DIS3L2: variants seen among roughly 807,000 people sequenced by gnomAD.
DIS3L2 encodes the protein DIS3-like exonuclease 2.
DIS3L2 carries 34 observed loss-of-function variants against 97.5 expected under a neutral mutation model. That is an observed-to-expected ratio of 0.35 (90% CI 0.27 to 0.46). The LOEUF is 0.46. DIS3L2 is among the 20% of genes least tolerant of loss of function. The pLI is 1.00. For synonymous variants in DIS3L2, 435 were observed against 445.2 expected (o/e 0.98, Z 0.29); for missense variants, 1,038 against 1,146.0 (o/e 0.91, Z 1.36).
chr2:232,198,241 GAA>G (rs1188788564), intron 9 of DIS3L2, among the ~76,000 whole-genome samples: 1 of 151,586 alleles, frequency 6.6e-6, no homozygotes. Flanking sequence ...AGGAAATAGA[GAA>G]AAAAAAGTGT....
At chr2:232,250,184 A>G (rs1274721337) in intron 12 of DIS3L2, among the ~76,000 whole-genome samples, 3 of 152,220 alleles carry the variant, frequency 2.0e-5, no homozygotes, top group East Asian at 1.9e-4. Flanking sequence ...GACAGAGACC[A>G]TGGAAGAACA....
At chr2:232,157,313 T>C (rs1690519553) in intron 8 of DIS3L2, among the ~76,000 whole-genome samples, 1 of 152,174 alleles carries the variant, frequency 6.6e-6, no homozygotes, top group South Asian at 2.1e-4. Context: ...TTGCATTCTT[T>C]CTTCCCAAAC....
chr2:231,962,150 G>A (rs11674743), intron 1 of DIS3L2, among the ~76,000 whole-genome samples: 1,715 of 152,318 alleles, frequency 0.011, 19 homozygotes, highest in Non-Finnish European at 0.016. Context: ...TGATCGAGAT[G>A]TTCAGGACTG....
chr2:232,091,167 A>G (rs892229702), intron 6 of DIS3L2, among the ~76,000 whole-genome samples: 2 of 152,230 alleles, frequency 1.3e-5, no homozygotes, highest in Admixed American at 1.3e-4. Flanking sequence ...CTTAGGGACA[A>G]CCAATTAAAA....
rs1694549964 is a variant in DIS3L2 at position 232,022,650 on chromosome 2, G to C, written c.211-1627G>C. On this transcript the variant is annotated intron_variant, in intron 3 of 20. Transcript: ENST00000325385. ...AAATTGTTAGACATTTAATTTCAAT[G>C]AATTGACTTTTGTTTGTTTGGAGTC... Among the ~76,000 whole-genome samples the C allele has an allele frequency of 2.0e-5, 3 of 152,274 alleles. No homozygotes were observed. In the South Asian group the frequency reaches 6.2e-4, roughly 32 times the overall value.
chr2:232,263,449 G>C lies in DIS3L2; in HGVS notation c.1659+9G>C. 6.2e-7 allele frequency: 1 copy of C among 1,613,926 alleles called. No homozygotes were observed. The highest frequency in any genetic ancestry group is 1.1e-5 in the South Asian group (1 of 91,056). ...CACTTCGTTTGGATCAGGTCAGTACGTGTTTTTTTAGTGTAGCCAACAGAT... is the reference window on the plus strand; with the variant it reads ...CACTTCGTTTGGATCAGGTCAGTACCTGTTTTTTTAGTGTAGCCAACAGAT... On this transcript the variant is annotated intron_variant, in intron 13 of 20. Coordinates refer to ENST00000325385, the MANE Select transcript of DIS3L2 (RefSeq NM_152383.5).
intron 7 of DIS3L2, 63 bp downstream of exon 7, chr2:232,130,782 A>C (rs1296703147): frequency 1.9e-6 from 3 of 1,592,516 alleles, no homozygotes; most frequent in East Asian, 2.3e-5. Flanking sequence ...CTTGTTGAAG[A>C]TCTCGTGTGA....
At chr2:232,288,261 G>A (rs1694498827) in intron 13 of DIS3L2, among the ~76,000 whole-genome samples, 1 of 152,226 alleles carries the variant, frequency 6.6e-6, no homozygotes, top group Non-Finnish European at 1.5e-5. Context: ...GCTCTTAGCT[G>A]CGTAAGACAG....
At chr2:232,166,065 G>C (rs1211622750) in intron 9 of DIS3L2, among the ~76,000 whole-genome samples, 2 of 126,678 alleles carry the variant, frequency 1.6e-5, no homozygotes, top group African/African-American at 5.4e-5. Context: ...GTGAGACCCT[G>C]TCTCTACAAT....
At chr2:231,971,630 G>A (rs1692915144) in intron 1 of DIS3L2, among the ~76,000 whole-genome samples, 1 of 152,050 alleles carries the variant, frequency 6.6e-6, no homozygotes, top group African/African-American at 2.4e-5. Flanking sequence ...TGTATTTTTA[G>A]TAGAGACGGG....
intron 1 of DIS3L2, among the ~76,000 whole-genome samples, chr2:231,970,979 C>G (rs1410512452): frequency 6.6e-6 from 1 of 152,066 alleles, no homozygotes; most frequent in Non-Finnish European, 1.5e-5. Flanking sequence ...CACACGTTAG[C>G]CTAGGCCTAC....
intron 6 of DIS3L2, among the ~76,000 whole-genome samples, chr2:232,102,466 A>G (rs1697231014): frequency 6.6e-6 from 1 of 152,176 alleles, no homozygotes; most frequent in African/African-American, 2.4e-5. Context: ...ATATAGGAGA[A>G]TGTCCTTATT....
At chr2:231,977,907 T>G (rs1011801097) in intron 1 of DIS3L2, among the ~76,000 whole-genome samples, 3 of 152,212 alleles carry the variant, frequency 2.0e-5, no homozygotes, top group African/African-American at 7.2e-5. Context: ...CTGAAGTGAT[T>G]GTCAGTGGTT....
chr2:231,970,974 G>A (rs983808617), intron 1 of DIS3L2, among the ~76,000 whole-genome samples: 6 of 151,846 alleles, frequency 4.0e-5, no homozygotes, highest in African/African-American at 7.3e-5. Flanking sequence ...AAACACACAC[G>A]TTAGCCTAGG....
chr2:232,336,795 G>A lies in DIS3L2; in HGVS notation c.*165G>A. 1 of 1,440,936 alleles carries A rather than the reference G, an allele frequency of 6.9e-7. No homozygotes were observed. The highest frequency in any genetic ancestry group is 1.5e-5 in the South Asian group (1 of 68,476). 89.3% of individuals were successfully genotyped at this position (1,440,936 alleles called of 1,614,324 possible). A position where few individuals can be genotyped will look rare whatever the true frequency, so the allele number is the denominator to read the frequency against. On this transcript the variant is annotated 3_prime_UTR_variant, in exon 21 of 21. Transcript: ENST00000325385. ...AGCTCAACTTTTAAACAAACTGCAGGGGAGAGGGTGGGGCTGGAAGGAAGG... is the reference window on the plus strand; with the variant it reads ...AGCTCAACTTTTAAACAAACTGCAGAGGAGAGGGTGGGGCTGGAAGGAAGG...
At chr2:232,333,793 C>A (rs1334302304) in intron 16 of DIS3L2, 47 bp from the exon 17 acceptor site, 21 of 1,505,846 alleles carry the variant, frequency 1.4e-5, no homozygotes, top group Non-Finnish European at 1.8e-5. Context: ...CCAGGCCTGG[C>A]TGGGCAGCTC....
chr2:232,316,661 T>C (rs1695284521), intron 14 of DIS3L2, among the ~76,000 whole-genome samples: 1 of 152,250 alleles, frequency 6.6e-6, no homozygotes, highest in South Asian at 2.1e-4. Context: ...CTGCGCTGGC[T>C]GCCCACAGGC....
At chr2:232,308,788 G>T (rs576885509) in intron 14 of DIS3L2, among the ~76,000 whole-genome samples, 48 of 152,256 alleles carry the variant, frequency 3.2e-4, no homozygotes, top group East Asian at 3.1e-3. Flanking sequence ...CCCCCTGCCC[G>T]TGGGGGCTTA....
At chr2:231,965,144 G>A (rs2106211067) in intron 1 of DIS3L2, among the ~76,000 whole-genome samples, 1 of 152,332 alleles carries the variant, frequency 6.6e-6, no homozygotes, top group South Asian at 2.1e-4. Flanking sequence ...GCCACTTAGA[G>A]TTTCTTTGCT....
Sources: allele counts gnomAD v4.1 joint callset (sites outside exome capture counted in the v4.1 genomes callset), GRCh38; gene constraint gnomAD v4.1.1; transcripts MANE v1.5; gene names NCBI Gene and HGNC (gene_info 2026-07-23, HGNC 2026-07-21).